Variants in HVCN1 observed in about 807,000 individuals in gnomAD.
HVCN1 encodes the protein hydrogen voltage gated channel 1, also known as voltage-gated hydrogen channel 1.
A neutral mutation model predicts 29.2 loss-of-function variants in HVCN1; 14 were observed. The observed-to-expected ratio is 0.48, with a 90% CI of 0.32 to 0.75. The LOEUF is 0.75. Ranked by LOEUF, HVCN1 falls within the 30% of genes least tolerant of loss-of-function variation. HVCN1 has a pLI of 0.04. For synonymous variants in HVCN1, 131 were observed against 133.2 expected (o/e 0.98, Z 0.11); for missense variants, 263 against 341.8 (o/e 0.77, Z 1.82).
intron 3 of HVCN1, among the ~76,000 whole-genome samples, chr12:110,668,101 C>T (rs940387914): frequency 3.3e-5 from 5 of 152,122 alleles, no homozygotes; most frequent in Admixed American, 6.5e-5. Context: ...CCACCACGCC[C>T]GGCTAATTTT....
chr12:110,697,475 C>T (rs1430916866), intron 2 of HVCN1, among the ~76,000 whole-genome samples: 4 of 151,754 alleles, frequency 2.6e-5, no homozygotes, highest in Admixed American at 2.0e-4. Context: ...GGGTGAACAG[C>T]GCAGAGAGGG....
chr12:110,683,901 ACT>A (rs2069081198), intron 2 of HVCN1, among the ~76,000 whole-genome samples: 1 of 142,326 alleles, frequency 7.0e-6, no homozygotes, highest in African/African-American at 2.8e-5. Flanking sequence ...ACAGAACAAG[ACT>A]CTATCTAAAA....
chr12:110,685,523 T>G (rs2069144413), intron 2 of HVCN1, among the ~76,000 whole-genome samples: 1 of 152,242 alleles, frequency 6.6e-6, no homozygotes, highest in Non-Finnish European at 1.5e-5. Flanking sequence ...GGTGGTTCTA[T>G]GCCAGTGTGT....
chr12:110,691,543 G>C (rs910083576), upstream of HVCN1, among the ~76,000 whole-genome samples: 1 of 152,126 alleles, frequency 6.6e-6, no homozygotes, highest in African/African-American at 2.4e-5. Flanking sequence ...GAGAGGATGT[G>C]GGGACTGCTC....
At chr12:110,689,136 G>C (rs997966499), upstream of HVCN1, 1 of 150,896 alleles carries the variant, frequency 6.6e-6, no homozygotes, top group Non-Finnish European at 1.5e-5. The surrounding 1 kb of genome is among the most constrained non-coding windows in gnomAD (Gnocchi z 5.7). Context: ...GAGCAGGTCC[G>C]GCCCAGCCCG....
intron 7 of HVCN1, among the ~76,000 whole-genome samples, chr12:110,649,878 T>A (rs2067713170): frequency 6.6e-6 from 1 of 151,812 alleles, no homozygotes; most frequent in Non-Finnish European, 1.5e-5. Flanking sequence ...AGAGTTTTGC[T>A]CTTGTTGCTC....
chr12:110,701,148 T>A (rs1485851851), intron 2 of HVCN1, among the ~76,000 whole-genome samples: 1 of 145,652 alleles, frequency 6.9e-6, no homozygotes, highest in Admixed American at 7.3e-5. Flanking sequence ...CTGGACATGT[T>A]AGTTGTACAA....
upstream of HVCN1, among the ~76,000 whole-genome samples, chr12:110,693,369 C>T (rs1043439689): frequency 1.3e-5 from 2 of 151,932 alleles, no homozygotes; most frequent in African/African-American, 2.4e-5. Context: ...CATGGTGAAA[C>T]CCTGTCTCTA....
At chr12:110,665,318 G>T (rs1167719566) in intron 3 of HVCN1, among the ~76,000 whole-genome samples, 1 of 152,206 alleles carries the variant, frequency 6.6e-6, no homozygotes, top group Non-Finnish European at 1.5e-5. Context: ...AGCACTTTGG[G>T]AGGCCGAGGT....
intron 3 of HVCN1, among the ~76,000 whole-genome samples, chr12:110,675,858 G>A (rs777813642): frequency 2.6e-5 from 4 of 152,102 alleles, no homozygotes; most frequent in Admixed American, 1.3e-4. Context: ...GCAGTGAGCC[G>A]AGATAATGCC....
rs550071806 is a variant in HVCN1 at position 110,658,477 on chromosome 12, C to G, written c.306+2687G>C. ...CTTGCCAATTGCCTGCTGGCAACAC[C>G]CATACCCGATCCACGTGCGCCCTTC... On this transcript the variant is annotated intron_variant, in intron 4 of 7. Coordinates refer to ENST00000242607, the MANE Select transcript of HVCN1 (RefSeq NM_032369.4). The surrounding 1 kb of genome is among the most constrained non-coding windows in gnomAD (Gnocchi z 5.0). Among the ~76,000 whole-genome samples, 2 of 152,136 alleles carry G rather than the reference C, an allele frequency of 1.3e-5. No individual in the cohort carries two copies. The highest frequency in any genetic ancestry group is 2.9e-5 in the Non-Finnish European group (2 of 68,026).
intron 2 of HVCN1, among the ~76,000 whole-genome samples, chr12:110,686,864 T>C (rs2069202901): frequency 6.6e-6 from 1 of 152,160 alleles, no homozygotes; most frequent in East Asian, 1.9e-4. Flanking sequence ...AAGAAGCCAT[T>C]TGATAGCCAA....
chr12:110,670,023 C>CA (rs1052559752), intron 3 of HVCN1, among the ~76,000 whole-genome samples: 7 of 150,684 alleles, frequency 4.6e-5, no homozygotes, highest in East Asian at 1.9e-4. Context: ...GACTCCATCT[C>CA]AAAAAAAAGA....
chr12:110,678,900 G>A (rs1003727011), intron 3 of HVCN1, among the ~76,000 whole-genome samples: 2 of 152,226 alleles, frequency 1.3e-5, no homozygotes, highest in Non-Finnish European at 2.9e-5. Context: ...CCAAGCCTGT[G>A]ACTTCAGTCA....
At chr12:110,655,373 AC>A (rs1399106360) in intron 4 of HVCN1, 35 bp from the exon 5 acceptor site, 3 of 1,504,878 alleles carry the variant, frequency 2.0e-6, no homozygotes, top group Non-Finnish European at 1.8e-6. Flanking sequence ...AGATCATGAG[AC>A]CCCCACAGAG....
At chr12:110,670,962 T>G (rs1200006723) in intron 3 of HVCN1, among the ~76,000 whole-genome samples, 2 of 151,904 alleles carry the variant, frequency 1.3e-5, no homozygotes, top group African/African-American at 4.8e-5. Context: ...GAGGCTGAGG[T>G]GGGTGGATCA....
At chr12:110,665,080 G>A (rs1424600589) in intron 3 of HVCN1, among the ~76,000 whole-genome samples, 4 of 152,102 alleles carry the variant, frequency 2.6e-5, no homozygotes, top group African/African-American at 7.2e-5. Context: ...AATAAGCCTT[G>A]AAATGAACAA....
chr12:110,661,226 G>GT lies in HVCN1; in HGVS notation c.243dup (p.Pro82ThrfsTer6). ...CCCCTGAAGTCAAGGGGGGCCCTGG[G>GT]TGCGGGGCCAGGGGCAGGGGCAACG... On this transcript the variant is annotated frameshift_variant, in exon 4 of 8. Transcript: ENST00000242607. LOFTEE classifies it high-confidence loss of function. The surrounding 1 kb of genome is among the most constrained non-coding windows in gnomAD (Gnocchi z 6.2). The GT allele has an allele frequency of 6.2e-7, 1 of 1,613,882 alleles. No individual in the cohort carries two copies. Among genetic ancestry groups the GT allele is most frequent in the Non-Finnish European group, 8.5e-7 (1 of 1,179,782 alleles).
At chr12:110,696,801 A>C (rs1482852683) in intron 2 of HVCN1, among the ~76,000 whole-genome samples, 2 of 152,122 alleles carry the variant, frequency 1.3e-5, no homozygotes, top group Non-Finnish European at 2.9e-5. Flanking sequence ...TGGGTCTACC[A>C]CATGTTGCTT....
Sources: allele counts gnomAD v4.1 joint callset (sites outside exome capture counted in the v4.1 genomes callset), GRCh38; gene constraint gnomAD v4.1.1; non-coding constraint Gnocchi (gnomAD v3.1); transcripts MANE v1.5; gene names NCBI Gene and HGNC (gene_info 2026-07-23, HGNC 2026-07-21).